Variants in BNC2 observed in about 807,000 individuals in gnomAD.
BNC2 encodes the protein basonuclin zinc finger protein 2, also known as zinc finger protein basonuclin-2.
In BNC2, 20 loss-of-function variants were observed where a neutral mutation model predicts 76.3. The observed-to-expected ratio is 0.26, with a 90% CI of 0.18 to 0.38. The LOEUF (loss-of-function observed/expected upper bound fraction) is 0.38. Ranked by LOEUF, BNC2 falls within the 10% of genes least tolerant of loss-of-function variation. The pLI, the probability that BNC2 is intolerant of heterozygous loss-of-function variation, is 1.00. For missense variants in BNC2, 1,382 were observed against 1,399.8 expected (o/e 0.99, Z 0.20); for synonymous variants, 582 against 514.8 (o/e 1.13, Z -1.77).
intron 3 of BNC2, among the ~76,000 whole-genome samples, chr9:16,705,238 C>G (rs930598339): frequency 1.3e-5 from 2 of 150,870 alleles, no homozygotes; most frequent in African/African-American, 4.9e-5. Flanking sequence ...AACACAATGC[C>G]ATTTCCCTAG....
intron 4 of BNC2, among the ~76,000 whole-genome samples, chr9:16,562,450 G>A (rs1819042661): frequency 6.6e-6 from 1 of 152,180 alleles, no homozygotes; most frequent in African/African-American, 2.4e-5. Context: ...AATAAAAGGT[G>A]TGGATAGAAA....
Position 16,419,409 on chromosome 9 carries a change from A to C in BNC2, c.2880T>G (p.Leu960=). 1 of 1,603,180 alleles carries C rather than the reference A, an allele frequency of 6.2e-7. No individual in the cohort carries two copies. The highest frequency in any genetic ancestry group is 8.5e-7 in the Non-Finnish European group (1 of 1,174,100). Residue 960 remains leucine, a synonymous_variant, in exon 7 of 7, where the codon CTT becomes CTG. Transcript: ENST00000380672. Reference sequence around the variant, plus strand: ...GGAGGCTGGAGGTGGTGCTCAAGTCAAGGACCATGTAGTCCTCTGCCATGC... The same window carrying C: ...GGAGGCTGGAGGTGGTGCTCAAGTCCAGGACCATGTAGTCCTCTGCCATGC... The part of the protein sequence containing the change: ...GRGMAEDYMV[L]DLSTTSSLQS...
chr9:16,691,041 A>T (rs1444350098), intron 3 of BNC2, among the ~76,000 whole-genome samples: 1 of 152,186 alleles, frequency 6.6e-6, no homozygotes, highest in Admixed American at 6.5e-5. Flanking sequence ...TCACAGCCAC[A>T]AACAACAACA....
At chr9:16,696,168 T>C (rs1380418348) in intron 3 of BNC2, among the ~76,000 whole-genome samples, 14 of 152,172 alleles carry the variant, frequency 9.2e-5, no homozygotes, top group Non-Finnish European at 1.8e-4. Context: ...ACTAGTGCTA[T>C]ACACCACCCC....
intron 6 of BNC2, among the ~76,000 whole-genome samples, chr9:16,428,768 AATAAACTCTAT>A (rs540101908): frequency 6.9e-4 from 105 of 152,304 alleles, no homozygotes; most frequent in African/African-American, 2.4e-3. Context: ...TAAAAGAAGT[AATAAACTCTAT>A]AAAGTACTAG....
At chr9:16,794,508 A>G (rs1350512526) in intron 1 of BNC2, among the ~76,000 whole-genome samples, 3 of 152,168 alleles carry the variant, frequency 2.0e-5, no homozygotes, top group Non-Finnish European at 4.4e-5. Context: ...ATTCTAAAAG[A>G]TCCGTATGAC....
chr9:16,584,751 G>A (rs894053343), intron 3 of BNC2, among the ~76,000 whole-genome samples: 1 of 152,090 alleles, frequency 6.6e-6, no homozygotes, highest in Non-Finnish European at 1.5e-5. Context: ...AACATCCCAA[G>A]TCAGAAATAG....
intron 5 of BNC2, among the ~76,000 whole-genome samples, chr9:16,472,637 A>G (rs1413093408): frequency 6.6e-6 from 1 of 152,144 alleles, no homozygotes; most frequent in Non-Finnish European, 1.5e-5. Flanking sequence ...AGAATGGTCC[A>G]CTTCTTATAA....
At position 16,433,375 on chromosome 9, in the gene BNC2, G is replaced by C. The variant is rs546541104; in HGVS notation, c.2639+2180C>G. Among the ~76,000 whole-genome samples the C allele has an allele frequency of 3.3e-5, 5 of 152,202 alleles. No homozygotes were observed. The South Asian group carries it at 1.0e-3, about 32-fold the overall frequency. ...AAAGACTGGGCATACTGTGATTTCA[G>C]CCAAATGAAATGTATCAACTGTCTT... On this transcript the variant is annotated intron_variant, in intron 6 of 6. Transcript: ENST00000380672.
At chr9:16,435,156 A>T (rs1303223511) in intron 6 of BNC2, 2 of 432,264 alleles carry the variant, frequency 4.6e-6, no homozygotes, top group Non-Finnish European at 9.4e-6. Flanking sequence ...TTAAAAAGCC[A>T]CATGGCAAAG....
intron 3 of BNC2, among the ~76,000 whole-genome samples, chr9:16,643,510 T>A (rs1821545929): frequency 6.6e-6 from 1 of 152,036 alleles, no homozygotes; most frequent in Non-Finnish European, 1.5e-5. Flanking sequence ...GTGAAAAAAA[T>A]ATCCACGCAT....
At chr9:16,536,494 C>CA (rs948119118) in intron 5 of BNC2, among the ~76,000 whole-genome samples, 2 of 152,098 alleles carry the variant, frequency 1.3e-5, no homozygotes, top group African/African-American at 4.8e-5. Flanking sequence ...TTAAGACTCA[C>CA]AAAAACACAG....
Position 16,740,108 on chromosome 9 carries a change from G to A in BNC2, c.4-1623C>T, listed in dbSNP as rs533910756. 3.3e-5 allele frequency among the ~76,000 whole-genome samples: 5 copies of A among 152,310 alleles called. 1 individual carries two copies. The highest frequency in any genetic ancestry group is 1.2e-4 in the African/African-American group (5 of 41,558). On this transcript the variant is annotated intron_variant, in intron 1 of 6. Transcript: ENST00000380672. ...GGAACAGCGTTAACAGGAGCATCGT[G>A]ATTGTCCAACGTTCCACCTGATAAG...
In BNC2 at chr9:16,557,400, G is replaced by A. The variant is rs530284032; in HGVS notation, c.434-4635C>T. ...TGTAGTCCCAGCTACTTGGAAGGCT[G>A]AGGCAAGAGAATCACCTGAACCCAG... is the stretch of plus-strand genomic sequence containing the variant. On this transcript the variant is annotated intron_variant, in intron 4 of 6. Coordinates refer to ENST00000380672, the MANE Select transcript of BNC2 (RefSeq NM_017637.6). Among the ~76,000 whole-genome samples the A allele has an allele frequency of 2.6e-5, 4 of 152,070 alleles. No individual in the cohort carries two copies. The South Asian group carries it at 8.3e-4, about 32-fold the overall frequency.
chr9:16,609,734 TC>T (rs1820490066), intron 3 of BNC2, among the ~76,000 whole-genome samples: 1 of 152,204 alleles, frequency 6.6e-6, no homozygotes, highest in Admixed American at 6.5e-5. Context: ...AAAGGTCTTC[TC>T]TGCTGGACTT....
chr9:16,633,327 G>A (rs1375333802), intron 3 of BNC2, among the ~76,000 whole-genome samples: 1 of 152,176 alleles, frequency 6.6e-6, no homozygotes, highest in Non-Finnish European at 1.5e-5. Flanking sequence ...ATACATAAAT[G>A]TTATTAATAA....
intron 1 of BNC2, among the ~76,000 whole-genome samples, chr9:16,857,653 G>A (rs1486157930): frequency 2.6e-5 from 4 of 151,928 alleles, no homozygotes; most frequent in African/African-American, 7.3e-5. Context: ...ATGCACACTC[G>A]CTTTGTATAA....
chr9:16,476,155 C>T (rs987686097), intron 5 of BNC2: 1 of 152,202 alleles, frequency 6.6e-6, no homozygotes, highest in Non-Finnish European at 1.5e-5. Flanking sequence ...TGACGCCATT[C>T]CTAGTTCCAC....
At chr9:16,681,426 G>A (rs1399157599) in intron 3 of BNC2, among the ~76,000 whole-genome samples, 1 of 152,120 alleles carries the variant, frequency 6.6e-6, no homozygotes, top group African/African-American at 2.4e-5. Flanking sequence ...AAATGGGCAA[G>A]GGAGAATCAA....
Sources: allele counts gnomAD v4.1 joint callset (sites outside exome capture counted in the v4.1 genomes callset), GRCh38; gene constraint gnomAD v4.1.1; transcripts MANE v1.5; gene names NCBI Gene and HGNC (gene_info 2026-07-23, HGNC 2026-07-21).